Variants in EML6 observed in about 807,000 individuals in gnomAD.
EML6 encodes echinoderm microtubule-associated protein-like 6.
A neutral mutation model predicts 240.1 loss-of-function variants in EML6; 154 were observed. The observed-to-expected ratio is 0.64, with a 90% confidence interval of 0.56 to 0.73. EML6 has a LOEUF of 0.73. Among genes scored for constraint, EML6 ranks in the 30% least tolerant of loss-of-function variants. The pLI is 0.00. For synonymous variants in EML6, 1,148 were observed against 899.0 expected, an observed-to-expected ratio of 1.28 and a Z score of -4.95; for missense variants, 2,964 against 2,474.6, an observed-to-expected ratio of 1.20 and a Z score of -4.20.
intron 25 of EML6, among the ~76,000 whole-genome samples, chr2:54,912,706 A>G (rs1034418501): frequency 6.6e-6 from 1 of 152,196 alleles, no homozygotes; most frequent in Non-Finnish European, 1.5e-5. Context: ...AATGGCTTCT[A>G]GCTACATCCA....
At chr2:54,834,347 G>A (rs1669024031) in intron 7 of EML6, among the ~76,000 whole-genome samples, 1 of 152,058 alleles carries the variant, frequency 6.6e-6, no homozygotes, top group African/African-American at 2.4e-5. Context: ...AACTTATAGT[G>A]GTGGCAAGAA....
intron 2 of EML6, among the ~76,000 whole-genome samples, chr2:54,794,477 G>T (rs1370388109): frequency 6.6e-6 from 1 of 152,156 alleles, no homozygotes; most frequent in African/African-American, 2.4e-5. Flanking sequence ...ACATCTGAGG[G>T]AGTAGGGACA....
At chr2:54,852,449 G>T (rs920676262) in intron 10 of EML6, among the ~76,000 whole-genome samples, 4 of 152,096 alleles carry the variant, frequency 2.6e-5, no homozygotes, top group Non-Finnish European at 5.9e-5. Context: ...ATACCATCCT[G>T]TTCAGGGGTG....
chr2:54,910,032 T>C (rs1006978348), intron 24 of EML6, among the ~76,000 whole-genome samples: 1 of 152,096 alleles, frequency 6.6e-6, no homozygotes, highest in African/African-American at 2.4e-5. Context: ...AGGAGAAATA[T>C]TATGTATATG....
rs1669621541 is a variant in EML6, at chr2:54,844,107, G to A, written c.908G>A (p.Ser303Asn). ...CGCCTTCTAGCAGGGACCCAGGACA[G>A]TGAGATATTTGAAGTGATTGTGCGA... ...ADRLLAGTQDSEIFEVIVRER... is the reference protein window; with the variant it reads ...ADRLLAGTQDNEIFEVIVRER... The change falls in exon 8 of 42, where the codon AGT becomes AAT. Residue 303 changes from serine (S) to asparagine (N), a missense_variant. By Grantham distance (46) the Ser-to-Asn change is conservative (BLOSUM62 1). Transcript: ENST00000356458. 3 of 1,551,490 alleles carry A rather than the reference G, an allele frequency of 1.9e-6. No homozygotes were observed. Among genetic ancestry groups the A allele is most frequent in the Non-Finnish European group, 2.6e-6 (3 of 1,146,990 alleles).
chr2:54,875,304 G>A (rs1167984458), intron 16 of EML6, among the ~76,000 whole-genome samples: 2 of 152,238 alleles, frequency 1.3e-5, no homozygotes, highest in African/African-American at 4.8e-5. Flanking sequence ...AGAAAAGTGA[G>A]TAGCTCAAGT....
rs537878715 is a variant in EML6, at chr2:54,834,330, C to G, written c.847+4853C>G. Among the ~76,000 whole-genome samples the G allele has an allele frequency of 3.3e-5, 5 of 152,266 alleles. No homozygotes were observed. In the South Asian group the frequency reaches 8.3e-4, roughly 25 times the overall value. ...TTATGATCTGGGTAAAATAATGAAG[C>G]TTGAGTAACTTATAGTGGTGGCAAG... On this transcript the variant is annotated intron_variant, in intron 7 of 41. Coordinates refer to ENST00000356458, the MANE Select transcript of EML6 (RefSeq NM_001039753.4).
At chr2:54,855,997 A>G (rs1241084156) in intron 11 of EML6, among the ~76,000 whole-genome samples, 3 of 152,178 alleles carry the variant, frequency 2.0e-5, no homozygotes, top group Admixed American at 2.0e-4. Flanking sequence ...AGCAAACATT[A>G]TTGTTTTCCA....
At chr2:54,965,015 CAG>C (rs1372749718) in intron 38 of EML6, among the ~76,000 whole-genome samples, 4 of 152,230 alleles carry the variant, frequency 2.6e-5, no homozygotes, top group Non-Finnish European at 4.4e-5. Flanking sequence ...ACCTCCTCTT[CAG>C]AGTTTCCTGA....
chr2:54,953,031 T>C (rs1676058618), intron 31 of EML6, among the ~76,000 whole-genome samples: 1 of 152,148 alleles, frequency 6.6e-6, no homozygotes, highest in Admixed American at 6.6e-5. Context: ...TAGGTTTCAG[T>C]AAGTGTGCCT....
Position 54,827,597 on chromosome 2 carries a change from C to G in EML6, c.557C>G (p.Ala186Gly). ...ACACTGTGTGGAAATGCCCTGACTGCAAAAAGAGGGATATTTGGCAAAACA... is the reference window on the plus strand; with the variant it reads ...ACACTGTGTGGAAATGCCCTGACTGGAAAAAGAGGGATATTTGGCAAAACA... ...FWTLCGNALT[A>G]KRGIFGKTGD... The change falls in exon 6 of 42, where the codon GCA (alanine) becomes GGA (glycine). Residue 186 changes from alanine to glycine, a missense_variant. By Grantham distance (60) the Ala-to-Gly change is moderately conservative. Coordinates refer to ENST00000356458, the MANE Select transcript of EML6 (RefSeq NM_001039753.4). 2 of 1,551,624 alleles carry G rather than the reference C, an allele frequency of 1.3e-6. No individual in the cohort carries two copies. The highest frequency in any genetic ancestry group is 1.7e-6 in the Non-Finnish European group (2 of 1,146,972).
intron 4 of EML6, among the ~76,000 whole-genome samples, chr2:54,820,109 T>C (rs1668262122): frequency 6.6e-6 from 1 of 152,234 alleles, no homozygotes; most frequent in African/African-American, 2.4e-5. Flanking sequence ...TCCTAAATTG[T>C]CCATTTGTTT....
intron 2 of EML6, among the ~76,000 whole-genome samples, chr2:54,730,502 A>T (rs1191512497): frequency 6.6e-6 from 1 of 152,206 alleles, no homozygotes; most frequent in Admixed American, 6.5e-5. Context: ...CTTCATGTAT[A>T]TGTCATCCTA....
chr2:54,791,894 T>C (rs545780214), intron 2 of EML6, among the ~76,000 whole-genome samples: 1 of 152,344 alleles, frequency 6.6e-6, no homozygotes, highest in African/African-American at 2.4e-5. Flanking sequence ...GAGATTTTAC[T>C]TGAGTTTCCT....
intron 21 of EML6, among the ~76,000 whole-genome samples, chr2:54,898,606 T>G (rs1031445129): frequency 6.6e-6 from 1 of 152,244 alleles, no homozygotes; most frequent in African/African-American, 2.4e-5. Flanking sequence ...TCTGCCAAAT[T>G]ACTGTTTTGC....
chr2:54,832,275 C>A (rs1246081745), intron 7 of EML6, among the ~76,000 whole-genome samples: 1 of 152,236 alleles, frequency 6.6e-6, no homozygotes, highest in Non-Finnish European at 1.5e-5. Context: ...GGGAAACTTG[C>A]TCTGAATCCC....
chr2:54,878,688 T>A (rs1671651249), intron 16 of EML6, among the ~76,000 whole-genome samples: 1 of 152,210 alleles, frequency 6.6e-6, no homozygotes, highest in Non-Finnish European at 1.5e-5. Context: ...AGACAAGCGA[T>A]GTGAAAACTA....
At chr2:54,735,382 G>T (rs763831873) in intron 2 of EML6, among the ~76,000 whole-genome samples, 14 of 152,224 alleles carry the variant, frequency 9.2e-5, no homozygotes, top group Non-Finnish European at 1.8e-4. Flanking sequence ...AAGGAGCAAG[G>T]TGTGGAATAG....
rs1230533215 is a variant in EML6, at chr2:54,962,524, G to GA, written c.4975dup (p.Ile1659AsnfsTer12). On this transcript the variant is annotated frameshift_variant and splice_region_variant, in exon 36 of 42. Transcript: ENST00000356458. LOFTEE classifies it high-confidence loss of function. ...CTAATAGTGTTTCAATTACAACAGG[G>GA]AAAAATCTTAGTGGGAACCAAAGAC... 1 of 1,542,196 alleles carries GA rather than the reference G, an allele frequency of 6.5e-7. No individual in the cohort carries two copies. Among genetic ancestry groups the GA allele is most frequent in the African/African-American group, 1.4e-5 (1 of 72,770 alleles).
Sources: allele counts gnomAD v4.1 joint callset (sites outside exome capture counted in the v4.1 genomes callset), GRCh38; gene constraint gnomAD v4.1.1; transcripts MANE v1.5; gene names NCBI Gene and HGNC (gene_info 2026-07-23, HGNC 2026-07-21).